Variants in PSTPIP1 observed in about 807,000 individuals in gnomAD.
PSTPIP1 encodes proline-serine-threonine phosphatase interacting protein 1.
A neutral mutation model predicts 69.6 loss-of-function variants in PSTPIP1; 66 were observed. The observed-to-expected ratio is 0.95, with a 90% CI of 0.78 to 1.16. PSTPIP1 has a LOEUF of 1.16. PSTPIP1 is among the 50% of genes most tolerant of loss of function. The probability of loss-of-function intolerance (pLI) is 0.00; values close to 1 mark genes in which losing one functional copy is unlikely to be tolerated. For synonymous variants in PSTPIP1, 266 were observed against 222.7 expected (o/e 1.19, Z -1.73); for missense variants, 603 against 557.4 (o/e 1.08, Z -0.82).
Position 77,037,102 on chromosome 15 carries a change from G to A in PSTPIP1, c.1177G>A (p.Glu393Lys), listed in dbSNP as rs781437901. The change falls in exon 15 of 15, where the codon GAG (glutamate) becomes AAG (lysine). Residue 393 changes from glutamate (E) to lysine (K), a missense_variant. By Grantham distance (56) the Glu-to-Lys change is moderately conservative. Transcript: ENST00000558012. ...CATCCTGGAGGTGATCCTGGAAGGG[G>A]AGGATGGCTGGTGGACTGTGGAGAG... ...GDILEVILEG[E>K]DGWWTVERNG... 3 of 1,612,444 alleles carry A rather than the reference G, an allele frequency of 1.9e-6. No homozygotes were observed. Among genetic ancestry groups the A allele is most frequent in the South Asian group, 2.2e-5 (2 of 91,086 alleles).
In PSTPIP1 at chr15:77,032,248, G is replaced by A. The variant is rs569300580; in HGVS notation, c.742-50G>A. 4 of 1,569,972 alleles carry A rather than the reference G, an allele frequency of 2.5e-6. No individual in the cohort carries two copies. In the African/African-American group the frequency reaches 5.4e-5, roughly 21 times the overall value. ...CCGCTGGTCAGAGTTCAGGCCCACA[G>A]AGGGGCAGAGTGGGCATCGGGCTGC... On this transcript the variant is annotated intron_variant, in intron 10 of 14. Transcript: ENST00000558012.
Position 77,032,310 on chromosome 15 carries a change from G to C in PSTPIP1, c.754G>C (p.Val252Leu). The change falls in exon 11 of 15, where the codon GTG becomes CTG. Residue 252 changes from valine to leucine, a missense_variant. Coordinates refer to ENST00000558012, the MANE Select transcript of PSTPIP1 (RefSeq NM_003978.5). Reference protein sequence around the residue: ...CVKDDELYEEVRLTLEGCSID... With the variant: ...CVKDDELYEELRLTLEGCSID... ...TTTCCTGCCCCAGCTCTACGAGGAAGTGCGGCTGACGCTGGAAGGCTGCAG... is the reference window on the plus strand; with the variant it reads ...TTTCCTGCCCCAGCTCTACGAGGAACTGCGGCTGACGCTGGAAGGCTGCAG... The C allele has an allele frequency of 6.2e-7, 1 of 1,612,570 alleles. No individual in the cohort carries two copies. Among genetic ancestry groups the C allele is most frequent in the Non-Finnish European group, 8.5e-7 (1 of 1,179,718 alleles).
At chr15:77,036,048 G>C in intron 14 of PSTPIP1, 113 bp downstream of exon 14, 2 of 1,355,976 alleles carry the variant, frequency 1.5e-6, no homozygotes, top group Non-Finnish European at 2.0e-6. Context: ...ACTCATCTTC[G>C]AGCATCCTCT....
At chr15:77,029,633 A>G in intron 8 of PSTPIP1, 59 bp downstream of exon 8, 1 of 1,494,046 alleles carries the variant, frequency 6.7e-7, no homozygotes, top group Non-Finnish European at 9.1e-7. Context: ...TACTCCCCAC[A>G]CACACCTCCT....
At chr15:77,021,538 G>T (rs2076161982) in intron 3 of PSTPIP1, among the ~76,000 whole-genome samples, 1 of 152,124 alleles carries the variant, frequency 6.6e-6, no homozygotes, top group Non-Finnish European at 1.5e-5. Context: ...AATTAGTTGG[G>T]CATGGTGACG....
At chr15:77,035,465 G>T in intron 12 of PSTPIP1, 43 bp from the exon 13 acceptor site, 1 of 1,554,114 alleles carries the variant, frequency 6.4e-7, no homozygotes, top group Non-Finnish European at 8.7e-7. Flanking sequence ...GGGTCCCTGA[G>T]TGTGGGGCGG....
Position 77,031,034 on chromosome 15 carries a change from G to A in PSTPIP1, c.643-146G>A. 6.7e-6 allele frequency: 5 copies of A among 745,012 alleles called. No homozygotes were observed. In the South Asian group the frequency reaches 7.0e-5, roughly 10 times the overall value. The allele number at this position is 745,012 out of a possible 1,614,324, so 46.2% of individuals were successfully genotyped here. A position where few individuals can be genotyped will look rare whatever the true frequency, so the allele number is the denominator to read the frequency against. On this transcript the variant is annotated intron_variant, in intron 9 of 14. Transcript: ENST00000558012. ...CAGGGCTGGCCCGGAGTCGGGATGG[G>A]GACCCCAGGGCACTCTCTCCTTTGG...
chr15:77,014,735 G>C (rs1486021587), intron 1 of PSTPIP1, among the ~76,000 whole-genome samples: 1 of 152,234 alleles, frequency 6.6e-6, no homozygotes, highest in Non-Finnish European at 1.5e-5. Flanking sequence ...TCACAGGCCT[G>C]GGCCGTGGCT....
In PSTPIP1 at chr15:77,028,486, A is replaced by G. The variant is rs1374398247; in HGVS notation, c.418-68A>G. ...GGAAAAAGGGAGGCTGGGCTAAGGG[A>G]GCCTCACTCCCGGGGACCACAGAAC... On this transcript the variant is annotated intron_variant, in intron 6 of 14. Transcript: ENST00000558012. The G allele has an allele frequency of 4.5e-6, 6 of 1,341,306 alleles. No individual in the cohort carries two copies. The Admixed American group carries it at 1.5e-4, about 34-fold the overall frequency. 83.1% of individuals were successfully genotyped at this position (1,341,306 alleles called of 1,614,324 possible). A position where few individuals can be genotyped will look rare whatever the true frequency, so the allele number is the denominator to read the frequency against.
At chr15:77,036,920 GCTGCCC>G in intron 14 of PSTPIP1, 119 bp from the exon 15 acceptor site, 2 of 1,329,300 alleles carry the variant, frequency 1.5e-6, no homozygotes, top group Non-Finnish European at 2.1e-6. Flanking sequence ...TCCCCAAGGG[GCTGCCC>G]CTGCCCACCC....
intron 6 of PSTPIP1, 92 bp from the exon 7 acceptor site, chr15:77,028,462 G>T: frequency 8.7e-7 from 1 of 1,155,984 alleles, no homozygotes. Context: ...CCTCGCCAGG[G>T]AAAAAGGGAG....
intron 1 of PSTPIP1, among the ~76,000 whole-genome samples, chr15:76,996,396 C>T (rs1405608846): frequency 6.6e-6 from 1 of 152,244 alleles, no homozygotes; most frequent in Admixed American, 6.5e-5. Context: ...ACCCCTCTGC[C>T]CCTCAGCTCT....
rs141956863 is a variant in PSTPIP1 at position 77,015,488 on chromosome 15, C to A, written c.37-2660C>A. On this transcript the variant is annotated intron_variant, in intron 1 of 14. Transcript: ENST00000558012. ...AGAGATTTCACAAAGGGCAGGGCCA[C>A]AGGCAGCATTCGGATGACAGAGGTT... Among the ~76,000 whole-genome samples the A allele has an allele frequency of 7.2e-3, 1,089 of 152,232 alleles. 7 individuals are homozygous for A. Among genetic ancestry groups the A allele is most frequent in the Admixed American group, 0.011 (163 of 15,290 alleles).
chr15:77,013,158 T>C (rs1267836644), intron 1 of PSTPIP1, among the ~76,000 whole-genome samples: 2 of 152,220 alleles, frequency 1.3e-5, no homozygotes, highest in African/African-American at 4.8e-5. Flanking sequence ...TCCGTGCAGC[T>C]ACCTTCCAAA....
chr15:77,009,964 G>C (rs909078882), intron 1 of PSTPIP1, among the ~76,000 whole-genome samples: 2 of 152,182 alleles, frequency 1.3e-5, no homozygotes, highest in Admixed American at 6.5e-5. Flanking sequence ...ACTCACAGGC[G>C]GGAGTCCATT....
At chr15:76,998,374 G>C (rs2075626016) in intron 1 of PSTPIP1, among the ~76,000 whole-genome samples, 1 of 152,218 alleles carries the variant, frequency 6.6e-6, no homozygotes, top group African/African-American at 2.4e-5. Flanking sequence ...CTCACAGTAA[G>C]GGAGGAAGCA....
chr15:77,009,812 G>A (rs941966483), intron 1 of PSTPIP1, among the ~76,000 whole-genome samples: 7 of 152,206 alleles, frequency 4.6e-5, no homozygotes, highest in African/African-American at 1.7e-4. Context: ...CCTGAGCCCT[G>A]TCACGCCCCA....
Position 77,027,764 on chromosome 15 carries a change from G to A in PSTPIP1, c.355-88G>A, listed in dbSNP as rs562055559. 30 of 1,468,028 alleles carry A rather than the reference G, an allele frequency of 2.0e-5. No homozygotes were observed. In the Admixed American group the frequency reaches 2.4e-4, roughly 12 times the overall value. 90.9% of individuals were successfully genotyped at this position (1,468,028 alleles called of 1,614,324 possible). A position where few individuals can be genotyped will look rare whatever the true frequency, so the allele number is the denominator to read the frequency against. On this transcript the variant is annotated intron_variant, in intron 5 of 14. Transcript: ENST00000558012. The surrounding 1 kb of genome is among the most constrained non-coding windows in gnomAD (Gnocchi z 4.3). ...TCTCCAGAGCCAGGAGAGGTGCTGC[G>A]CCTCATCCCAGGGACACTCCGTCCT...
intron 11 of PSTPIP1, 71 bp from the exon 12 acceptor site, chr15:77,032,791 C>G: frequency 7.4e-7 from 1 of 1,358,196 alleles, no homozygotes; most frequent in Non-Finnish European, 1.0e-6. Context: ...ATGTAGGGCC[C>G]CAGCTGAGTC....
Sources: gnomAD v4.1 joint callset for allele counts (sites outside exome capture counted in the v4.1 genomes callset) on GRCh38, gnomAD v4.1.1 for gene constraint, Gnocchi (gnomAD v3.1) non-coding constraint, MANE v1.5 for transcripts, NCBI Gene and HGNC (gene_info 2026-07-23, HGNC 2026-07-21) for gene names.